Variants in WDR64 observed in about 807,000 individuals in gnomAD.
The protein encoded by WDR64 is WD repeat domain 64.
Under a neutral mutation model 139.3 loss-of-function variants are expected in WDR64, and 112 were observed. The observed-to-expected ratio is 0.80, with a 90% CI of 0.69 to 0.94. The LOEUF (loss-of-function observed/expected upper bound fraction) is 0.94, where lower values mean the gene tolerates loss of function less well. WDR64 is among the 40% of genes least tolerant of loss of function. The pLI is 0.00. For synonymous variants in WDR64, 444 were observed against 437.7 expected, an observed-to-expected ratio of 1.01 and a Z score of -0.18; for missense variants, 1,206 against 1,293.1, an observed-to-expected ratio of 0.93 and a Z score of 1.03.
intron 15 of WDR64, among the ~76,000 whole-genome samples, chr1:241,762,930 A>G (rs923047215): frequency 2.0e-5 from 3 of 152,224 alleles, no homozygotes; most frequent in African/African-American, 7.2e-5. Flanking sequence ...GCTAGTTTAA[A>G]TGATAAGTAG....
In WDR64 at chr1:241,735,533, C is replaced by CCCTTTTTTTTTTTTTTTTTT. The variant is rs1237771842; in HGVS notation, c.1195-2830_1195-2829insCCTTTTTTTTTTTTTTTTTT. Among the ~76,000 whole-genome samples the CCCTTTTTTTTTTTTTTTTTT allele has an allele frequency of 8.9e-3, 916 of 103,424 alleles. 41 individuals carry two copies. The highest frequency in any genetic ancestry group is 0.021 in the South Asian group (60 of 2,862). 67.9% of individuals were successfully genotyped at this position (103,424 alleles called of 152,430 possible). A position where few individuals can be genotyped will look rare whatever the true frequency, so the allele number is the denominator to read the frequency against. ...GTTCTCTGTCTCTCTCTCTCTCTCT[C>CCCTTTTTTTTTTTTTTTTTT]TTTTTTTTTTTTTTTTTTTGATACG... On this transcript the variant is annotated intron_variant, in intron 10 of 27. Coordinates refer to ENST00000437684, the MANE Select transcript of WDR64 (RefSeq NM_001367482.1).
intron 10 of WDR64, among the ~76,000 whole-genome samples, chr1:241,728,746 C>T (rs778800198): frequency 6.6e-6 from 1 of 151,882 alleles, no homozygotes; most frequent in Non-Finnish European, 1.5e-5. Flanking sequence ...TTCATTTCAT[C>T]AGCAAAACCA....
intron 7 of WDR64, among the ~76,000 whole-genome samples, chr1:241,685,292 TA>T (rs1666961476): frequency 1.3e-5 from 2 of 151,774 alleles, no homozygotes; most frequent in Admixed American, 6.6e-5. Context: ...TTAATTGTTT[TA>T]AAAAATATTT....
chr1:241,784,749 T>C (rs1422944917), intron 23 of WDR64, among the ~76,000 whole-genome samples: 1 of 150,168 alleles, frequency 6.7e-6, no homozygotes, highest in South Asian at 2.1e-4. Context: ...AGGTCAGGAG[T>C]TGGAGACCAG....
At chr1:241,791,387 T>G (rs1659210683) in intron 25 of WDR64, among the ~76,000 whole-genome samples, 1 of 152,190 alleles carries the variant, frequency 6.6e-6, no homozygotes, top group Admixed American at 6.5e-5. Context: ...TAAATATTTA[T>G]GTGGGCCGGG....
intron 21 of WDR64, among the ~76,000 whole-genome samples, chr1:241,776,675 AT>A (rs1160616535): frequency 6.6e-6 from 1 of 152,192 alleles, no homozygotes; most frequent in Non-Finnish European, 1.5e-5. Flanking sequence ...GAAAGTTAAG[AT>A]CAGTCAAATT....
intron 8 of WDR64, among the ~76,000 whole-genome samples, chr1:241,692,906 C>CA (rs1667352456): frequency 6.6e-6 from 1 of 152,170 alleles, no homozygotes; most frequent in Middle Eastern, 3.2e-3. Flanking sequence ...AGAACACTAA[C>CA]ACCACCAAAT....
At chr1:241,660,449 G>A (rs1270032287) in intron 1 of WDR64, 81 bp from the exon 2 acceptor site, 2 of 1,470,954 alleles carry the variant, frequency 1.4e-6, no homozygotes, top group East Asian at 2.5e-5. Flanking sequence ...AATACAAGGT[G>A]AGGAAATAAA....
chr1:241,788,938 T>A (rs1173486728), intron 24 of WDR64, among the ~76,000 whole-genome samples: 2 of 152,176 alleles, frequency 1.3e-5, no homozygotes, highest in Non-Finnish European at 2.9e-5. Flanking sequence ...TAGCCTTGAA[T>A]GTTCATATAT....
intron 16 of WDR64, 136 bp from the exon 17 acceptor site, chr1:241,769,268 C>A (rs1214371607): frequency 1.0e-5 from 7 of 680,800 alleles, no homozygotes; most frequent in East Asian, 2.8e-5. Context: ...AACTCTACTT[C>A]CTTGCATTTT....
chr1:241,700,901 C>T (rs770417377), intron 8 of WDR64, among the ~76,000 whole-genome samples: 1 of 152,070 alleles, frequency 6.6e-6, no homozygotes, highest in African/African-American at 2.4e-5. Flanking sequence ...CTTTGATTTC[C>T]GTGTGCTGTC....
At chr1:241,728,741 T>C (rs1241074129) in intron 10 of WDR64, among the ~76,000 whole-genome samples, 1 of 152,064 alleles carries the variant, frequency 6.6e-6, no homozygotes, top group African/African-American at 2.4e-5. Flanking sequence ...TTACTTTCAT[T>C]TCATCAGCAA....
At chr1:241,746,505 C>A (rs1162035203) in intron 13 of WDR64, among the ~76,000 whole-genome samples, 4 of 150,632 alleles carry the variant, frequency 2.7e-5, no homozygotes, top group African/African-American at 9.9e-5. Flanking sequence ...CAACGGAATA[C>A]CATAGAGTGG....
At chr1:241,789,751 AG>A (rs1330341785) in intron 24 of WDR64, among the ~76,000 whole-genome samples, 1 of 152,256 alleles carries the variant, frequency 6.6e-6, no homozygotes, top group East Asian at 1.9e-4. Context: ...GGGTGGGAGG[AG>A]GGAGAGGATC....
chr1:241,769,311 A>G (rs372065765), intron 16 of WDR64, 93 bp from the exon 17 acceptor site: 2 of 921,516 alleles, frequency 2.2e-6, no homozygotes, highest in African/African-American at 3.4e-5. Flanking sequence ...GCATTTGAGG[A>G]ATTGCCTAGC....
In WDR64 at chr1:241,677,992, C is replaced by G. The variant is rs144496632; in HGVS notation, c.484-195C>G. Among the ~76,000 whole-genome samples, 434 of 152,308 alleles carry G rather than the reference C, an allele frequency of 2.8e-3. 3 individuals are homozygous for G. Among genetic ancestry groups the G allele is most frequent in the African/African-American group, 9.8e-3 (406 of 41,568 alleles). On this transcript the variant is annotated intron_variant, in intron 4 of 27. Coordinates refer to ENST00000437684, the MANE Select transcript of WDR64 (RefSeq NM_001367482.1). ...TAACAATGAGCCACAGAGGTATAAG[C>G]CTTGCTCACAGCAAACAGTGTGCAT...
At chr1:241,794,637 T>C (rs1160221087) in intron 25 of WDR64, among the ~76,000 whole-genome samples, 1 of 150,154 alleles carries the variant, frequency 6.7e-6, no homozygotes, top group Non-Finnish European at 1.5e-5. Context: ...GCCTCCCAAG[T>C]AGCTGGGACT....
intron 8 of WDR64, among the ~76,000 whole-genome samples, chr1:241,689,329 T>C (rs1667124359): frequency 6.6e-6 from 1 of 152,152 alleles, no homozygotes; most frequent in Non-Finnish European, 1.5e-5. Context: ...CCCAACTATA[T>C]GCTGTCTATG....
At chr1:241,792,886 C>T (rs1659249548) in intron 25 of WDR64, among the ~76,000 whole-genome samples, 1 of 152,094 alleles carries the variant, frequency 6.6e-6, no homozygotes, top group Admixed American at 6.6e-5. Flanking sequence ...AAATGTATAC[C>T]TTAGGGAAAC....
Sources: gnomAD v4.1 joint callset for allele counts (sites outside exome capture counted in the v4.1 genomes callset) on GRCh38, gnomAD v4.1.1 for gene constraint, MANE v1.5 for transcripts, NCBI Gene and HGNC (gene_info 2026-07-23, HGNC 2026-07-21) for gene names.